The following TMEM170B variants were observed in gnomAD, a reference collection of about 807,000 sequenced individuals.
TMEM170B encodes transmembrane protein 170B.
TMEM170B carries 6 observed loss-of-function variants against 13.0 expected under a neutral mutation model. That is an observed-to-expected ratio of 0.46 (90% CI 0.25 to 0.91). The LOEUF is 0.91. Among genes scored for constraint, TMEM170B ranks in the 40% least tolerant of loss-of-function variants. The probability of loss-of-function intolerance (pLI) is 0.17; values close to 1 mark genes in which losing one functional copy is unlikely to be tolerated. For missense variants in TMEM170B, 138 were observed against 165.2 expected, an observed-to-expected ratio of 0.84 and a Z score of 0.90; for synonymous variants, 61 against 64.9, an observed-to-expected ratio of 0.94 and a Z score of 0.29.
chr6:11,557,815 T>C (rs1316247061), intron 1 of TMEM170B, among the ~76,000 whole-genome samples: 1 of 152,260 alleles, frequency 6.6e-6, no homozygotes, highest in African/African-American at 2.4e-5. Flanking sequence ...TAAATATTTC[T>C]CAAATTATTT....
chr6:11,566,697 C>T (rs1044023765), intron 2 of TMEM170B, among the ~76,000 whole-genome samples: 1 of 152,178 alleles, frequency 6.6e-6, no homozygotes, highest in Non-Finnish European at 1.5e-5. Flanking sequence ...GTCAAGTGCC[C>T]CATTTAACCT....
intron 1 of TMEM170B, among the ~76,000 whole-genome samples, chr6:11,541,708 C>G (rs565749144): frequency 2.0e-5 from 3 of 152,324 alleles, no homozygotes; most frequent in Non-Finnish European, 4.4e-5. Context: ...AGCTTTCAGC[C>G]TAACTCATCT....
At position 11,577,509 on chromosome 6, in the gene TMEM170B, C is replaced by T. The variant is rs1427744963; in HGVS notation, c.*1948C>T. The T allele has an allele frequency of 6.6e-6, 1 of 151,992 alleles. No homozygotes were observed. The highest frequency in any genetic ancestry group is 6.6e-5 in the Admixed American group (1 of 15,264). The allele number at this position is 151,992 out of a possible 1,614,324, so 9.4% of individuals were successfully genotyped here. ...AATAATTTAAAGCATTCGTATTCTT[C>T]CAGAGGAATTACCAATAGCATGTGG... On this transcript the variant is annotated 3_prime_UTR_variant, in exon 3 of 3. Transcript: ENST00000379426.
intron 1 of TMEM170B, 63 bp downstream of exon 1, chr6:11,538,437 C>T (rs1759311609): frequency 1.6e-6 from 2 of 1,258,050 alleles, no homozygotes; most frequent in Admixed American, 2.8e-5. Flanking sequence ...CTTCTCCTTC[C>T]TCGGGAGGGG....
At chr6:11,570,999 G>A (rs1034702757) in intron 2 of TMEM170B, among the ~76,000 whole-genome samples, 1 of 152,086 alleles carries the variant, frequency 6.6e-6, no homozygotes, top group Non-Finnish European at 1.5e-5. Flanking sequence ...TACAAAATAG[G>A]TGGGTGGGCC....
intron 1 of TMEM170B, among the ~76,000 whole-genome samples, chr6:11,540,627 T>C (rs911334514): frequency 2.0e-5 from 3 of 152,228 alleles, no homozygotes; most frequent in Non-Finnish European, 4.4e-5. Flanking sequence ...ATGGAGTCAA[T>C]TGCTTTCCAA....
chr6:11,574,340 A>G (rs1360685291), intron 2 of TMEM170B, among the ~76,000 whole-genome samples: 1 of 152,198 alleles, frequency 6.6e-6, no homozygotes, highest in Non-Finnish European at 1.5e-5. Context: ...TCCTGTTTAC[A>G]TCTCTTACAG....
At chr6:11,539,162 C>CTTCTGGT (rs1759326185) in intron 1 of TMEM170B, among the ~76,000 whole-genome samples, 1 of 152,030 alleles carries the variant, frequency 6.6e-6, no homozygotes, top group Non-Finnish European at 1.5e-5. Flanking sequence ...TGTGAAGAAA[C>CTTCTGGT]TTCTGGTTTT....
rs897530221 is a variant in TMEM170B at position 11,580,766 on chromosome 6, A to G, written c.*5205A>G. The G allele has an allele frequency of 6.6e-6, 1 of 152,242 alleles. No homozygotes were observed. The highest frequency in any genetic ancestry group is 1.5e-5 in the Non-Finnish European group (1 of 68,034). 9.4% of individuals were successfully genotyped at this position (152,242 alleles called of 1,614,324 possible). ...AGAGGTAACACACAAAAACAAAAAC[A>G]TATTTGACAAAGCGCCCTACATCCT... On this transcript the variant is annotated 3_prime_UTR_variant, in exon 3 of 3. Transcript: ENST00000379426.
rs2113782717 is a variant in TMEM170B, at chr6:11,572,799, GCATACATACACA to G, written c.269-2623_269-2612del. ...ATTCATACATATTTACATACATACC[GCATACATACACA>G]CATACATATGTATGTATGTACTAGT... On this transcript the variant is annotated intron_variant, in intron 2 of 2. Coordinates refer to ENST00000379426, the MANE Select transcript of TMEM170B (RefSeq NM_001100829.3). Among the ~76,000 whole-genome samples, 2 of 152,070 alleles carry G rather than the reference GCATACATACACA, an allele frequency of 1.3e-5. 1 individual carries two copies. The highest frequency in any genetic ancestry group is 4.1e-4 in the South Asian group (2 of 4,820).
At chr6:11,571,900 A>G (rs1759809130) in intron 2 of TMEM170B, among the ~76,000 whole-genome samples, 1 of 152,222 alleles carries the variant, frequency 6.6e-6, no homozygotes, top group Admixed American at 6.5e-5. Flanking sequence ...TCATAGAAGT[A>G]GAAACCCTAA....
At chr6:11,546,681 A>G (rs1759445598) in intron 1 of TMEM170B, among the ~76,000 whole-genome samples, 1 of 152,228 alleles carries the variant, frequency 6.6e-6, no homozygotes, top group African/African-American at 2.4e-5. Flanking sequence ...AATTGCCTGC[A>G]GTATTGAGTA....
chr6:11,554,336 CAATT>C (rs965948181), intron 1 of TMEM170B, among the ~76,000 whole-genome samples: 3 of 151,676 alleles, frequency 2.0e-5, no homozygotes, highest in Non-Finnish European at 2.9e-5. Context: ...CACACAATAA[CAATT>C]AAAACCATTG....
At chr6:11,548,664 G>C (rs567974274) in intron 1 of TMEM170B, among the ~76,000 whole-genome samples, 5 of 152,214 alleles carry the variant, frequency 3.3e-5, no homozygotes, top group African/African-American at 1.2e-4. Flanking sequence ...CAAAGACTTG[G>C]AACCAACCCA....
chr6:11,572,848 AT>A (rs1443897006), intron 2 of TMEM170B, among the ~76,000 whole-genome samples: 3 of 152,072 alleles, frequency 2.0e-5, no homozygotes, highest in Non-Finnish European at 4.4e-5. Flanking sequence ...GAGAATATGT[AT>A]TGTTTTATGT....
rs1187209580 is a variant in TMEM170B, at chr6:11,581,112, C to T, written c.*5551C>T. The stretch of plus-strand genomic sequence containing the variant: ...TAATACTTTTAAATTAGTGGAAACA[C>T]ATTTCTGAGTGAACTGAGCTATGAA... On this transcript the variant is annotated 3_prime_UTR_variant, in exon 3 of 3. Transcript: ENST00000379426. 6.6e-6 allele frequency: 1 copy of T among 152,166 alleles called. No individual in the cohort carries two copies. The highest frequency in any genetic ancestry group is 1.5e-5 in the Non-Finnish European group (1 of 68,040). 9.4% of individuals were successfully genotyped at this position (152,166 alleles called of 1,614,324 possible).
chr6:11,547,017 A>G (rs1219084239), intron 1 of TMEM170B, among the ~76,000 whole-genome samples: 3 of 152,240 alleles, frequency 2.0e-5, no homozygotes, highest in Non-Finnish European at 2.9e-5. Context: ...ATTGTATTGT[A>G]CTATACTTAT....
chr6:11,578,669 T>C lies in TMEM170B; in HGVS notation c.*3108T>C, dbSNP rs1282159649. 2 of 152,336 alleles carry C rather than the reference T, an allele frequency of 1.3e-5. No individual in the cohort carries two copies. Among genetic ancestry groups the C allele is most frequent in the African/African-American group, 4.8e-5 (2 of 41,584 alleles). 9.4% of individuals were successfully genotyped at this position (152,336 alleles called of 1,614,324 possible). A position where few individuals can be genotyped will look rare whatever the true frequency, so the allele number is the denominator to read the frequency against. ...CAGAATTATTCTTTAGATCTTAATG[T>C]TTACCAAACAGTGTTACAGTTTGTT... On this transcript the variant is annotated 3_prime_UTR_variant, in exon 3 of 3. Transcript: ENST00000379426.
chr6:11,544,926 T>G (rs1293649223), intron 1 of TMEM170B, among the ~76,000 whole-genome samples: 5 of 152,190 alleles, frequency 3.3e-5, no homozygotes, highest in Admixed American at 6.5e-5. Flanking sequence ...GTAACTTGAC[T>G]TTTAAAAAAT....
Sources: allele counts gnomAD v4.1 joint callset (sites outside exome capture counted in the v4.1 genomes callset), GRCh38; gene constraint gnomAD v4.1.1; transcripts MANE v1.5; gene names NCBI Gene and HGNC (gene_info 2026-07-23, HGNC 2026-07-21).